FBXL17: variants seen among roughly 807,000 people sequenced by gnomAD.
The protein encoded by FBXL17 is F-box/LRR-repeat protein 17.
A neutral mutation model predicts 66.2 loss-of-function variants in FBXL17; 22 were observed. The observed-to-expected ratio is 0.33, with a 90% CI of 0.24 to 0.47. The LOEUF is 0.47. Among genes scored for constraint, FBXL17 ranks in the 20% least tolerant of loss-of-function variants. The pLI, the probability that FBXL17 is intolerant of heterozygous loss-of-function variation, is 1.00. For missense variants in FBXL17, 878 were observed against 948.2 expected (o/e 0.93, Z 0.97); for synonymous variants, 474 against 400.5 (o/e 1.18, Z -2.19).
At chr5:108,009,308 T>TAGATAGATACACAC in intron 7 of FBXL17, among the ~76,000 whole-genome samples, 1 of 42,220 alleles carries the variant, frequency 2.4e-5, no homozygotes, top group South Asian at 7.8e-4. Context: ...TATACATATA[T>TAGATAGATACACAC]ACATACACAT....
intron 5 of FBXL17, among the ~76,000 whole-genome samples, chr5:108,211,261 G>T (rs576424218): frequency 6.6e-6 from 1 of 152,040 alleles, no homozygotes; most frequent in Non-Finnish European, 1.5e-5. Flanking sequence ...CACACTGATG[G>T]GTCTTGACTC....
chr5:108,249,850 G>A lies in FBXL17; in HGVS notation c.1507-25622C>T, dbSNP rs138509639. 4.6e-3 allele frequency among the ~76,000 whole-genome samples: 693 copies of A among 152,166 alleles called. 6 individuals are homozygous for A. The highest frequency in any genetic ancestry group is 0.016 in the African/African-American group (653 of 41,550). ...ATGCACACTAGGAAAGTCCTGCTGAGGGCTACCACATTAGGACAGAGAAAG... is the reference window on the plus strand; with the variant it reads ...ATGCACACTAGGAAAGTCCTGCTGAAGGCTACCACATTAGGACAGAGAAAG... On this transcript the variant is annotated intron_variant, in intron 4 of 8. Coordinates refer to ENST00000542267, the MANE Select transcript of FBXL17 (RefSeq NM_001163315.3).
At chr5:108,227,734 AG>A (rs1271187013) in intron 4 of FBXL17, among the ~76,000 whole-genome samples, 2 of 152,230 alleles carry the variant, frequency 1.3e-5, no homozygotes, top group Non-Finnish European at 2.9e-5. Flanking sequence ...TCCCCTCAAA[AG>A]TAAAGTATGC....
chr5:108,381,681 AG>A lies in FBXL17; in HGVS notation c.10del (p.Leu4PhefsTer354). On this transcript the variant is annotated frameshift_variant, in exon 1 of 9. Transcript: ENST00000542267. LOFTEE classifies it high-confidence loss of function. MGH[L>X]LSKEPRNRPS... ...GCGGTTACGCGGCTCCTTCGAGAGA[AG>A]GTGGCCCATATAGAAGGCCCCGAGG... is the stretch of plus-strand genomic sequence containing the variant. 1 of 1,473,482 alleles carries A rather than the reference AG, an allele frequency of 6.8e-7. No individual in the cohort carries two copies. Among genetic ancestry groups the A allele is most frequent in the East Asian group, 3.0e-5 (1 of 33,600 alleles). The allele number at this position is 1,473,482 out of a possible 1,614,324, so 91.3% of individuals were successfully genotyped here. A position where few individuals can be genotyped will look rare whatever the true frequency, so the allele number is the denominator to read the frequency against.
intron 4 of FBXL17, among the ~76,000 whole-genome samples, chr5:108,340,309 G>A (rs959749792): frequency 2.0e-5 from 3 of 151,518 alleles, no homozygotes; most frequent in South Asian, 2.1e-4. Flanking sequence ...CCAGCAATTC[G>A]GGAGGCCAAG....
intron 4 of FBXL17, among the ~76,000 whole-genome samples, chr5:108,295,667 CT>C (rs1758317110): frequency 1.3e-5 from 2 of 151,962 alleles, no homozygotes; most frequent in Non-Finnish European, 1.5e-5. Flanking sequence ...AACAAACCTT[CT>C]AGTAATAAGA....
rs553029963 is a variant in FBXL17, at chr5:108,124,277, T to C, written c.1745+61840A>G. Reference sequence around the variant, plus strand: ...TATTAAGCATGGCAATTTCATAAGATATGAAATATGTTAAAAAAAAAGAAC... The same window carrying C: ...TATTAAGCATGGCAATTTCATAAGACATGAAATATGTTAAAAAAAAAGAAC... On this transcript the variant is annotated intron_variant, in intron 6 of 8. Transcript: ENST00000542267. Among the ~76,000 whole-genome samples, 21 of 152,118 alleles carry C rather than the reference T, an allele frequency of 1.4e-4. No individual in the cohort carries two copies. The South Asian group carries it at 4.1e-3, about 30-fold the overall frequency.
In FBXL17 at chr5:108,063,930, TTGGAGATAAA is replaced by T. The variant is rs557558201; in HGVS notation, c.1746-42939_1746-42930del. The stretch of plus-strand genomic sequence containing the variant: ...CTCAATTTCTTTTTCATATTATCTC[TTGGAGATAAA>T]TGGCAATAACAAAGACACATTAACA... On this transcript the variant is annotated intron_variant, in intron 6 of 8. Coordinates refer to ENST00000542267, the MANE Select transcript of FBXL17 (RefSeq NM_001163315.3). 1.8e-3 allele frequency among the ~76,000 whole-genome samples: 275 copies of T among 152,308 alleles called. 1 individual carries two copies. The highest frequency in any genetic ancestry group is 6.2e-3 in the African/African-American group (256 of 41,576).
chr5:107,899,849 C>T (rs1054618469), intron 7 of FBXL17, among the ~76,000 whole-genome samples: 11 of 151,958 alleles, frequency 7.2e-5, no homozygotes, highest in Admixed American at 7.2e-4. Flanking sequence ...CCTGTTGGGT[C>T]TAATATTCAC....
intron 5 of FBXL17, among the ~76,000 whole-genome samples, chr5:108,203,057 A>C (rs1424297905): frequency 6.6e-6 from 1 of 152,192 alleles, no homozygotes; most frequent in Non-Finnish European, 1.5e-5. Flanking sequence ...AAAAGGTCAT[A>C]AAGTTTTTAA....
At chr5:107,866,001 A>T (rs1748260412) in intron 8 of FBXL17, among the ~76,000 whole-genome samples, 1 of 152,162 alleles carries the variant, frequency 6.6e-6, no homozygotes, top group African/African-American at 2.4e-5. Flanking sequence ...TGTCATGCAC[A>T]ACTCCACTTG....
At chr5:108,350,099 CTA>C (rs1438919782) in intron 3 of FBXL17, among the ~76,000 whole-genome samples, 1 of 152,104 alleles carries the variant, frequency 6.6e-6, no homozygotes, top group African/African-American at 2.4e-5. Flanking sequence ...GTTGAGGAAA[CTA>C]AATCCAAAGC....
chr5:108,229,181 T>C (rs1272073342), intron 4 of FBXL17, among the ~76,000 whole-genome samples: 1 of 152,090 alleles, frequency 6.6e-6, no homozygotes, highest in Non-Finnish European at 1.5e-5. Flanking sequence ...ACCACCATCA[T>C]TCTTCACAAA....
intron 1 of FBXL17, 101 bp downstream of exon 1, chr5:108,380,598 C>A: frequency 2.8e-6 from 2 of 721,822 alleles, no homozygotes; most frequent in African/African-American, 3.7e-5. Flanking sequence ...TGCCAGGGAA[C>A]CCCCCTCCTC....
At chr5:108,324,105 T>C (rs1021643295) in intron 4 of FBXL17, among the ~76,000 whole-genome samples, 1 of 152,118 alleles carries the variant, frequency 6.6e-6, no homozygotes, top group East Asian at 1.9e-4. Flanking sequence ...AAAATTTTAA[T>C]AATTTCTGTG....
At position 107,861,553 on chromosome 5, in the gene FBXL17, G is replaced by T; in HGVS notation, c.*167C>A. 1 of 537,406 alleles carries T rather than the reference G, an allele frequency of 1.9e-6. No individual in the cohort carries two copies. 33.3% of individuals were successfully genotyped at this position (537,406 alleles called of 1,614,324 possible). On this transcript the variant is annotated 3_prime_UTR_variant, in exon 9 of 9. Coordinates refer to ENST00000542267, the MANE Select transcript of FBXL17 (RefSeq NM_001163315.3). The stretch of plus-strand genomic sequence containing the variant: ...AAAGCCAGCTCACTTGGGAACAAAT[G>T]ACAACTGCACTTTTGGTATGCAGTA...
intron 7 of FBXL17, among the ~76,000 whole-genome samples, chr5:107,960,710 C>T (rs1323431353): frequency 6.6e-6 from 1 of 152,176 alleles, no homozygotes; most frequent in African/African-American, 2.4e-5. Context: ...ACAAATCCAG[C>T]AATCCATTGT....
chr5:107,913,471 T>C (rs1297927743), intron 7 of FBXL17, among the ~76,000 whole-genome samples: 1 of 152,168 alleles, frequency 6.6e-6, no homozygotes, highest in African/African-American at 2.4e-5. Context: ...ACAGTGGTGA[T>C]GTGGATGACA....
intron 7 of FBXL17, among the ~76,000 whole-genome samples, chr5:108,001,861 G>A (rs952391350): frequency 6.6e-6 from 1 of 151,608 alleles, no homozygotes; most frequent in Non-Finnish European, 1.5e-5. Context: ...AAAATCCTGG[G>A]CTAATACTTT....
Sources: gnomAD v4.1 joint callset for allele counts (sites outside exome capture counted in the v4.1 genomes callset) on GRCh38, gnomAD v4.1.1 for gene constraint, MANE v1.5 for transcripts, NCBI Gene and HGNC (gene_info 2026-07-23, HGNC 2026-07-21) for gene names.